Variants in GNB1 observed in about 807,000 individuals in gnomAD.
GNB1 encodes the protein G protein subunit beta 1.
A neutral mutation model predicts 42.9 loss-of-function variants in GNB1; 2 were observed. That is an observed-to-expected ratio of 0.05 (90% CI 0.02 to 0.15). The LOEUF is 0.15. Among genes scored for constraint, GNB1 ranks in the 10% least tolerant of loss-of-function variants. The probability of loss-of-function intolerance (pLI) is 1.00; values close to 1 mark genes in which losing one functional copy is unlikely to be tolerated. For synonymous variants in GNB1, 183 were observed against 174.7 expected, an observed-to-expected ratio of 1.05 and a Z score of -0.38; for missense variants, 193 against 462.2, an observed-to-expected ratio of 0.42 and a Z score of 5.34.
intron 1 of GNB1, among the ~76,000 whole-genome samples, chr1:1,863,483 A>G (rs1177824204): frequency 6.6e-6 from 1 of 152,188 alleles, no homozygotes; most frequent in African/African-American, 2.4e-5. Context: ...CACACCCCAG[A>G]CATTGCAAAG....
At chr1:1,877,820 G>C (rs1303219560) in intron 1 of GNB1, among the ~76,000 whole-genome samples, 1 of 152,190 alleles carries the variant, frequency 6.6e-6, no homozygotes, top group Non-Finnish European at 1.5e-5. Context: ...GGCTAGAATA[G>C]ATAGCAAGAT....
At chr1:1,875,009 C>T (rs1225554275) in intron 1 of GNB1, among the ~76,000 whole-genome samples, 1 of 152,100 alleles carries the variant, frequency 6.6e-6, no homozygotes, top group African/African-American at 2.4e-5. Flanking sequence ...ACATCCCTCG[C>T]GTGTGCAGTT....
chr1:1,797,444 C>T (rs1486577152), intron 7 of GNB1, among the ~76,000 whole-genome samples: 1 of 151,922 alleles, frequency 6.6e-6, no homozygotes, highest in African/African-American at 2.4e-5. Flanking sequence ...TTCCAAAATT[C>T]CTTTTTTTTT....
intron 1 of GNB1, among the ~76,000 whole-genome samples, chr1:1,878,382 G>A (rs539603161): frequency 1.3e-5 from 2 of 152,250 alleles, no homozygotes; most frequent in Admixed American, 6.5e-5. Flanking sequence ...TATGCCAAGC[G>A]GGGATTAACC....
At chr1:1,856,659 C>T (rs1405704436) in intron 1 of GNB1, among the ~76,000 whole-genome samples, 1 of 152,150 alleles carries the variant, frequency 6.6e-6, no homozygotes, top group African/African-American at 2.4e-5. Context: ...ATCTCTTCAC[C>T]TTGTGATCCG....
At chr1:1,821,367 G>A (rs1186366979) in intron 3 of GNB1, among the ~76,000 whole-genome samples, 1 of 152,166 alleles carries the variant, frequency 6.6e-6, no homozygotes, top group Non-Finnish European at 1.5e-5. Flanking sequence ...CTGAGAGCCT[G>A]TGTTTCCTCA....
At chr1:1,842,047 C>T (rs1330764168) in intron 1 of GNB1, among the ~76,000 whole-genome samples, 1 of 152,242 alleles carries the variant, frequency 6.6e-6, no homozygotes, top group Non-Finnish European at 1.5e-5. Flanking sequence ...GTGGCTCACG[C>T]CTGTAATCCC....
At position 1,886,753 on chromosome 1, in the gene GNB1, C is replaced by T. The variant is rs1399170693; in HGVS notation, c.-96+4067G>A. On this transcript the variant is annotated intron_variant, in intron 1 of 11. Transcript: ENST00000378609. ...ACGGAGTCTCGCTGTGTCGCCCAGG[C>T]TGGAGTGCAGTGGCCGATCTTGGCT... is the stretch of plus-strand genomic sequence containing the variant. 7.9e-5 allele frequency among the ~76,000 whole-genome samples: 12 copies of T among 152,168 alleles called. 1 individual carries two copies. Among genetic ancestry groups the T allele is most frequent in the Admixed American group, 7.9e-4 (12 of 15,268 alleles).
At chr1:1,890,784 G>A (rs1273571554) in intron 1 of GNB1, 36 bp downstream of exon 1, 1 of 148,558 alleles carries the variant, frequency 6.7e-6, no homozygotes, top group Admixed American at 6.7e-5. Context: ...TGGACGAACA[G>A]GACCCGGGTC....
chr1:1,849,156 G>A (rs1293941737), intron 1 of GNB1, among the ~76,000 whole-genome samples: 1 of 152,210 alleles, frequency 6.6e-6, no homozygotes, highest in African/African-American at 2.4e-5. Flanking sequence ...AGGCTCAGGG[G>A]AGCTTCCTGG....
intron 2 of GNB1, among the ~76,000 whole-genome samples, chr1:1,830,019 T>G (rs1647054212): frequency 6.6e-6 from 1 of 151,636 alleles, no homozygotes; most frequent in Non-Finnish European, 1.5e-5. Flanking sequence ...GGATTACAGG[T>G]GTGAGCCACT....
intron 5 of GNB1, among the ~76,000 whole-genome samples, chr1:1,807,463 G>GGAAAAAAAAAAAAAAAAAA (rs1369704288): frequency 7.8e-5 from 2 of 25,580 alleles, no homozygotes; most frequent in African/African-American, 4.5e-4. Context: ...GATCCTGACT[G>GGAAAAAAAAAAAAAAAAAA]AAAAAAAAAA....
intron 1 of GNB1, among the ~76,000 whole-genome samples, chr1:1,848,504 A>T (rs557697299): frequency 6.6e-6 from 1 of 152,196 alleles, no homozygotes; most frequent in Non-Finnish European, 1.5e-5. Context: ...GACCAATCCC[A>T]TCTCTTTCTC....
chr1:1,821,148 AG>A (rs1646925649), intron 3 of GNB1, among the ~76,000 whole-genome samples: 5 of 152,360 alleles, frequency 3.3e-5, no homozygotes. Flanking sequence ...CCTAAATTAA[AG>A]CCTGGGCCCT....
intron 2 of GNB1, among the ~76,000 whole-genome samples, chr1:1,825,978 T>C (rs1646992925): frequency 6.6e-6 from 1 of 152,164 alleles, no homozygotes; most frequent in Non-Finnish European, 1.5e-5. Context: ...GTAAATAAAA[T>C]ATAATTATGA....
At chr1:1,823,110 C>T (rs997560333) in intron 3 of GNB1, among the ~76,000 whole-genome samples, 3 of 151,646 alleles carry the variant, frequency 2.0e-5, no homozygotes, top group Non-Finnish European at 4.4e-5. Context: ...GGTGTGGTGG[C>T]GGGCGCCTAT....
chr1:1,859,906 T>A (rs1157294135), intron 1 of GNB1, among the ~76,000 whole-genome samples: 1 of 114,712 alleles, frequency 8.7e-6, no homozygotes, highest in African/African-American at 3.5e-5. Context: ...TGTTGTGGGG[T>A]GGGGGGAGAG....
rs1464443472 is a variant in GNB1 at position 1,787,223 on chromosome 1, A to G, written c.*9+99T>C. On this transcript the variant is annotated intron_variant, in intron 11 of 11. Transcript: ENST00000378609. The surrounding 1 kb of genome is among the most constrained non-coding windows in gnomAD (Gnocchi z 4.4). ...CAACACAATTCCAAATCAATGCTACATCAACATTTATCTAGAAACCGTTAA... is the reference window on the plus strand; with the variant it reads ...CAACACAATTCCAAATCAATGCTACGTCAACATTTATCTAGAAACCGTTAA... 15 of 719,238 alleles carry G rather than the reference A, an allele frequency of 2.1e-5. No individual in the cohort carries two copies. Among genetic ancestry groups the G allele is most frequent in the Non-Finnish European group, 2.9e-5 (12 of 410,638 alleles). 44.6% of individuals were successfully genotyped at this position (719,238 alleles called of 1,614,324 possible).
chr1:1,874,500 G>A (rs543242451), intron 1 of GNB1, among the ~76,000 whole-genome samples: 225 of 151,334 alleles, frequency 1.5e-3, no homozygotes, highest in African/African-American at 5.3e-3. Context: ...CCAGCTACTC[G>A]GGAGGCTGAG....
Sources: gnomAD v4.1 joint callset for allele counts (sites outside exome capture counted in the v4.1 genomes callset) on GRCh38, gnomAD v4.1.1 for gene constraint, Gnocchi (gnomAD v3.1) non-coding constraint, MANE v1.5 for transcripts, NCBI Gene and HGNC (gene_info 2026-07-23, HGNC 2026-07-21) for gene names.